Variants in OOSP1 observed in about 807,000 individuals in gnomAD.
OOSP1 encodes putative oocyte-secreted protein 1 homolog.
A neutral mutation model predicts 5.7 loss-of-function variants in OOSP1; 11 were observed. That is an observed-to-expected ratio of 1.94 (90% confidence interval 1.22 to 3.20). The LOEUF is 3.20. OOSP1 is among the 30% of genes most tolerant of loss of function. OOSP1 has a pLI of 0.00. For synonymous variants in OOSP1, 44 were observed against 20.0 expected (o/e 2.20, Z -3.20); for missense variants, 83 against 54.1 (o/e 1.53, Z -1.67).
intron 1 of OOSP1, among the ~76,000 whole-genome samples, chr11:59,942,465 G>A (rs535478662): frequency 3.9e-5 from 6 of 152,084 alleles, no homozygotes; most frequent in African/African-American, 1.2e-4. Context: ...AAGGGCTTGC[G>A]TCAAAGAGCT....
At position 59,939,214 on chromosome 11, in the gene OOSP1, T is replaced by C. The variant is rs59035014; in HGVS notation, c.76+684T>C. Among the ~76,000 whole-genome samples, 641 of 151,598 alleles carry C rather than the reference T, an allele frequency of 4.2e-3. 6 individuals are homozygous for C. The highest frequency in any genetic ancestry group is 0.014 in the African/African-American group (574 of 41,338). The stretch of plus-strand genomic sequence containing the variant: ...TCCCTCGTTCCCTCCTCCCTCCCTC[T>C]TTCTTTTCTTTCCCTTCCTTCCTCC... On this transcript the variant is annotated intron_variant, in intron 1 of 4. Coordinates refer to ENST00000646685, the Ensembl canonical transcript of OOSP1.
intron 4 of OOSP1, among the ~76,000 whole-genome samples, chr11:59,948,149 A>G (rs897891942): frequency 1.1e-4 from 17 of 152,222 alleles, no homozygotes; most frequent in African/African-American, 4.1e-4. Context: ...GAAAATACCT[A>G]TCAATTTCAA....
intron 4 of OOSP1, among the ~76,000 whole-genome samples, chr11:59,948,168 A>C (rs1217345314): frequency 6.6e-6 from 1 of 152,208 alleles, no homozygotes; most frequent in Non-Finnish European, 1.5e-5. Flanking sequence ...AATATCAATA[A>C]AGTTCTGAAT....
chr11:59,942,829 CT>C lies in OOSP1; in HGVS notation c.77-13del, dbSNP rs763535076. 7.9e-5 allele frequency: 55 copies of C among 695,668 alleles called. No individual in the cohort carries two copies. The highest frequency in any genetic ancestry group is 1.1e-4 in the Non-Finnish European group (43 of 381,620). 43.1% of individuals were successfully genotyped at this position (695,668 alleles called of 1,614,324 possible). On this transcript the variant is annotated splice_polypyrimidine_tract_variant and intron_variant, in intron 1 of 4. Coordinates refer to ENST00000646685, the Ensembl canonical transcript of OOSP1. ...ATGTAATTGCATACTAACAAAATTT[CT>C]TTTTCCTGCTTTTCAGCTATTCAAG...
At chr11:59,947,936 C>G (rs1853902746) in intron 4 of OOSP1, 74 bp downstream of exon 4, 1 of 397,128 alleles carries the variant, frequency 2.5e-6, no homozygotes, top group East Asian at 3.6e-5. Context: ...ATACAATTGT[C>G]AAGGAAATGG....
At chr11:59,942,982 A>G (rs1342332480) in exon 2 of OOSP1, 8 of 702,906 alleles carry the variant, frequency 1.1e-5, no homozygotes, top group Admixed American at 4.0e-5. Context: ...CCAAATGTCT[A>G]CTATGAGTTT....
chr11:59,945,979 T>C (rs1853879063), intron 3 of OOSP1, among the ~76,000 whole-genome samples: 1 of 151,676 alleles, frequency 6.6e-6, no homozygotes, highest in South Asian at 2.1e-4. Flanking sequence ...CTGCACACTT[T>C]TAAAAAACCA....
intron 2 of OOSP1, among the ~76,000 whole-genome samples, chr11:59,944,177 A>G (rs1447653150): frequency 6.6e-6 from 1 of 152,106 alleles, no homozygotes; most frequent in African/African-American, 2.4e-5. Context: ...GCCAGGGGTA[A>G]GACAGCCCTC....
chr11:59,942,626 A>T (rs510959), intron 1 of OOSP1, among the ~76,000 whole-genome samples: 1 of 152,168 alleles, frequency 6.6e-6, no homozygotes, highest in East Asian at 1.9e-4. Flanking sequence ...CTATATATAG[A>T]TTCACTAAAG....
At chr11:59,945,312 T>C in intron 3 of OOSP1, 46 bp downstream of exon 3, 1 of 702,810 alleles carries the variant, frequency 1.4e-6, no homozygotes, top group Non-Finnish European at 2.6e-6. Flanking sequence ...TGGCTTCATT[T>C]ACTGTCCAGA....
intron 1 of OOSP1, among the ~76,000 whole-genome samples, chr11:59,941,473 A>G (rs1002509147): frequency 1.3e-5 from 2 of 151,410 alleles, no homozygotes; most frequent in African/African-American, 4.9e-5. Context: ...TCTGCCTCCC[A>G]GGTTCACATG....
intron 4 of OOSP1, among the ~76,000 whole-genome samples, chr11:59,956,401 G>C (rs1346734803): frequency 6.6e-6 from 1 of 152,028 alleles, no homozygotes; most frequent in Non-Finnish European, 1.5e-5. Context: ...AGAGCCTTAA[G>C]ATAGTCCTGA....
At chr11:59,940,856 G>A (rs1853817704) in intron 1 of OOSP1, among the ~76,000 whole-genome samples, 1 of 152,156 alleles carries the variant, frequency 6.6e-6, no homozygotes, top group Non-Finnish European at 1.5e-5. Flanking sequence ...TTAGGTAATT[G>A]TAGATTCACA....
chr11:59,938,468 TG>T lies in OOSP1; in HGVS notation c.18del (p.Phe7SerfsTer10). On this transcript the variant is annotated frameshift_variant, in exon 1 of 5. Coordinates refer to ENST00000646685, the Ensembl canonical transcript of OOSP1. LOFTEE classifies it high-confidence loss of function. Reference sequence around the variant, plus strand: ...CAATCTGGGCAAATGAAGACCATTCTGGGGTTCAAAGGGCTCTTTTATCTGC... The same window carrying T: ...CAATCTGGGCAAATGAAGACCATTCTGGGTTCAAAGGGCTCTTTTATCTGC... The T allele has an allele frequency of 3.2e-6, 2 of 628,146 alleles. No homozygotes were observed. Among genetic ancestry groups the T allele is most frequent in the Non-Finnish European group, 2.9e-6 (1 of 346,490 alleles). 38.9% of individuals were successfully genotyped at this position (628,146 alleles called of 1,614,324 possible).
chr11:59,949,177 T>C (rs1213881906), intron 4 of OOSP1, among the ~76,000 whole-genome samples: 1 of 152,174 alleles, frequency 6.6e-6, no homozygotes, highest in Non-Finnish European at 1.5e-5. Flanking sequence ...TTGGTCCTGG[T>C]AACAGTGCCT....
intron 4 of OOSP1, among the ~76,000 whole-genome samples, chr11:59,952,469 A>G (rs1015691518): frequency 1.3e-5 from 2 of 152,194 alleles, no homozygotes; most frequent in African/African-American, 2.4e-5. Context: ...AAGGAATGGC[A>G]TAATGTCTTT....
intron 4 of OOSP1, chr11:59,948,684 GTCTT>G: frequency 2.5e-6 from 1 of 397,740 alleles, no homozygotes. Context: ...ATATTTTACT[GTCTT>G]TCTTCCATTT....
intron 4 of OOSP1, among the ~76,000 whole-genome samples, chr11:59,954,225 C>A (rs1853968645): frequency 6.6e-6 from 1 of 152,086 alleles, no homozygotes; most frequent in Admixed American, 6.6e-5. Flanking sequence ...TCTTCTTGAC[C>A]AAAATATCAT....
chr11:59,943,370 C>CA, intron 2 of OOSP1, among the ~76,000 whole-genome samples: 1 of 151,430 alleles, frequency 6.6e-6, no homozygotes, highest in Non-Finnish European at 1.5e-5. Flanking sequence ...AAAAAACCAA[C>CA]AAAAAAACCC....
Sources: allele counts gnomAD v4.1 joint callset (sites outside exome capture counted in the v4.1 genomes callset), GRCh38; gene constraint gnomAD v4.1.1; transcripts MANE v1.5; gene names NCBI Gene and HGNC (gene_info 2026-07-23, HGNC 2026-07-21).